The following SLC36A4 variants were observed in gnomAD, a reference collection of about 807,000 sequenced individuals.
SLC36A4 encodes neutral amino acid uniporter 4.
A neutral mutation model predicts 50.5 loss-of-function variants in SLC36A4; 49 were observed. That is an observed-to-expected ratio of 0.97 (90% CI 0.77 to 1.23). The LOEUF (loss-of-function observed/expected upper bound fraction) is 1.23, where lower values mean the gene tolerates loss of function less well. Among genes scored for constraint, SLC36A4 ranks in the 50% most tolerant of loss-of-function variants. The pLI is 0.00. For synonymous variants in SLC36A4, 207 were observed against 206.5 expected (o/e 1.00, Z -0.02); for missense variants, 611 against 608.4 (o/e 1.00, Z -0.05).
chr11:93,191,577 A>C (rs1862219872), intron 1 of SLC36A4, among the ~76,000 whole-genome samples: 2 of 152,204 alleles, frequency 1.3e-5, no homozygotes, highest in Admixed American at 1.3e-4. Context: ...GATGAAAAGC[A>C]GTGAGGTATG....
At chr11:93,191,378 A>C (rs1862211289) in intron 1 of SLC36A4, among the ~76,000 whole-genome samples, 1 of 152,228 alleles carries the variant, frequency 6.6e-6, no homozygotes, top group African/African-American at 2.4e-5. Context: ...AGGTTGGTTT[A>C]ATGTCACTGA....
In SLC36A4 at chr11:93,153,121, T is replaced by C. The variant is rs190336988; in HGVS notation, c.1207+987A>G. Among the ~76,000 whole-genome samples the C allele has an allele frequency of 2.5e-3, 379 of 152,240 alleles. 1 individual carries two copies. Among genetic ancestry groups the C allele is most frequent in the African/African-American group, 8.6e-3 (356 of 41,570 alleles). On this transcript the variant is annotated intron_variant, in intron 10 of 10. Coordinates refer to ENST00000326402, the MANE Select transcript of SLC36A4 (RefSeq NM_152313.4). ...TCTTTAAATCTAGGCATGAGCTCCA[T>C]GGCAGGCTGCTCAAATCAATTTATT...
chr11:93,197,790 G>T lies in SLC36A4; in HGVS notation c.43C>A (p.Arg15Ser), dbSNP rs2134723683. The T allele has an allele frequency of 6.3e-7, 1 of 1,585,462 alleles. No individual in the cohort carries two copies. Among genetic ancestry groups the T allele is most frequent in the Middle Eastern group, 1.7e-4 (1 of 5,756 alleles). Reference protein sequence around the residue: ...ATPAAAGAARREELDMDVMRP... With the variant: ...ATPAAAGAARSEELDMDVMRP... The stretch of plus-strand genomic sequence containing the variant: ...GCACAACACCGACCTAGCTCCTCGC[G>T]CCTCGCCGCCCCGGCAGCCGCCGGC... Residue 15 changes from arginine to serine, a missense_variant, in exon 1 of 11, where the codon CGC (arginine) becomes AGC (serine). Transcript: ENST00000326402.
intron 10 of SLC36A4, 179 bp downstream of exon 10, chr11:93,153,929 G>A: frequency 3.0e-6 from 1 of 328,658 alleles, no homozygotes; most frequent in Non-Finnish European, 5.4e-6. Context: ...TTCTTATGTA[G>A]TAGTAGAAAA....
intron 9 of SLC36A4, among the ~76,000 whole-genome samples, chr11:93,162,453 C>T (rs1221282303): frequency 7.2e-6 from 1 of 139,686 alleles, no homozygotes; most frequent in African/African-American, 2.5e-5. Context: ...GGATTATAGG[C>T]ACCCGCCACC....
At chr11:93,185,013 CA>C (rs1280240060) in intron 2 of SLC36A4, among the ~76,000 whole-genome samples, 5 of 151,962 alleles carry the variant, frequency 3.3e-5, no homozygotes, top group African/African-American at 1.2e-4. Context: ...AAAAAAAATA[CA>C]AGTTTTAAAA....
rs1256923522 is a variant in SLC36A4 at position 93,145,775 on chromosome 11, C to T, written c.*2762G>A. The T allele has an allele frequency of 6.6e-6, 1 of 152,076 alleles. No homozygotes were observed. The highest frequency in any genetic ancestry group is 6.6e-5 in the Admixed American group (1 of 15,248). 9.4% of individuals were successfully genotyped at this position (152,076 alleles called of 1,614,324 possible). ...ATACAAAATTTGACAGGTGCAATCACTCTCATTTCTCCAGGCTCCCAAAAT... is the reference window on the plus strand; with the variant it reads ...ATACAAAATTTGACAGGTGCAATCATTCTCATTTCTCCAGGCTCCCAAAAT... On this transcript the variant is annotated 3_prime_UTR_variant, in exon 11 of 11. Coordinates refer to ENST00000326402, the MANE Select transcript of SLC36A4 (RefSeq NM_152313.4).
chr11:93,145,110 T>A lies in SLC36A4; in HGVS notation c.*3427A>T, dbSNP rs1033034735. The stretch of plus-strand genomic sequence containing the variant: ...ATGAGAAGACATAAGTAAGCTATAG[T>A]AAGACTTGTGCCTTGCCACAGCTAG... On this transcript the variant is annotated 3_prime_UTR_variant, in exon 11 of 11. Coordinates refer to ENST00000326402, the MANE Select transcript of SLC36A4 (RefSeq NM_152313.4). 6.6e-6 allele frequency: 1 copy of A among 152,078 alleles called. No individual in the cohort carries two copies. Among genetic ancestry groups the A allele is most frequent in the Non-Finnish European group, 1.5e-5 (1 of 67,962 alleles). 9.4% of individuals were successfully genotyped at this position (152,078 alleles called of 1,614,324 possible).
intron 6 of SLC36A4, among the ~76,000 whole-genome samples, chr11:93,168,872 T>C (rs1250035504): frequency 6.6e-6 from 1 of 152,006 alleles, no homozygotes; most frequent in Non-Finnish European, 1.5e-5. Flanking sequence ...ACAAATATGA[T>C]TTACAAATAT....
Position 93,154,291 on chromosome 11 carries a change from T to A in SLC36A4, c.1038-14A>T, listed in dbSNP as rs762910285. The A allele has an allele frequency of 2.4e-5, 32 of 1,316,982 alleles. No individual in the cohort carries two copies. Among genetic ancestry groups the A allele is most frequent in the South Asian group, 4.7e-5 (2 of 42,412 alleles). The allele number at this position is 1,316,982 out of a possible 1,614,324, so 81.6% of individuals were successfully genotyped here. On this transcript the variant is annotated splice_polypyrimidine_tract_variant and intron_variant, in intron 9 of 10. Coordinates refer to ENST00000326402, the MANE Select transcript of SLC36A4 (RefSeq NM_152313.4). ...GATTGATATAACCTGTTGAAAAAAA[T>A]TTTCAAAATTTAGTCATTTTTAATG...
Position 93,145,021 on chromosome 11 carries a change from C to G in SLC36A4, c.*3516G>C, listed in dbSNP as rs1318279498. 1.3e-5 allele frequency: 2 copies of G among 151,992 alleles called. No homozygotes were observed. Among genetic ancestry groups the G allele is most frequent in the African/African-American group, 4.8e-5 (2 of 41,428 alleles). The allele number at this position is 151,992 out of a possible 1,614,324, so 9.4% of individuals were successfully genotyped here. On this transcript the variant is annotated 3_prime_UTR_variant, in exon 11 of 11. Transcript: ENST00000326402. Reference sequence around the variant, plus strand: ...TTTTAAATGAAGAAAGAAGTGAGGTCAAGACCTAGTTTGTGTATACTGTCA... The same window carrying G: ...TTTTAAATGAAGAAAGAAGTGAGGTGAAGACCTAGTTTGTGTATACTGTCA...
intron 9 of SLC36A4, among the ~76,000 whole-genome samples, chr11:93,158,016 TAAG>T (rs1412884964): frequency 6.6e-6 from 1 of 151,896 alleles, no homozygotes. Flanking sequence ...CATACAAGAG[TAAG>T]AAGAAATTTA....
chr11:93,155,348 T>G (rs1350375599), intron 9 of SLC36A4: 1 of 152,048 alleles, frequency 6.6e-6, no homozygotes, highest in African/African-American at 2.4e-5. Flanking sequence ...CATTTAAGAG[T>G]TCTACTTTCC....
rs767901890 is a variant in SLC36A4 at position 93,182,939 on chromosome 11, T to C, written c.271-45A>G. The stretch of plus-strand genomic sequence containing the variant: ...ATAAGGTTTAAATATTTAACAGAAA[T>C]TGAGTAATCTTATAAGCAATGAATC... On this transcript the variant is annotated intron_variant, in intron 3 of 10. Transcript: ENST00000326402. The C allele has an allele frequency of 7.2e-5, 98 of 1,352,822 alleles. 5 individuals carry two copies. In the South Asian group the frequency reaches 1.1e-3, roughly 15 times the overall value. The allele number at this position is 1,352,822 out of a possible 1,614,324, so 83.8% of individuals were successfully genotyped here.
At chr11:93,152,921 T>TC (rs1176586575) in intron 10 of SLC36A4, among the ~76,000 whole-genome samples, 1 of 152,168 alleles carries the variant, frequency 6.6e-6, no homozygotes, top group Non-Finnish European at 1.5e-5. Context: ...AATATCTTTT[T>TC]CCTACTGAAT....
intron 1 of SLC36A4, 134 bp downstream of exon 1, chr11:93,197,644 G>T: frequency 2.0e-6 from 2 of 983,796 alleles, no homozygotes; most frequent in South Asian, 1.5e-5. Context: ...TGCGGATGCT[G>T]ACCACGGGGT....
intron 6 of SLC36A4, chr11:93,170,267 C>T (rs1861067669): frequency 6.6e-6 from 1 of 151,944 alleles, no homozygotes; most frequent in Non-Finnish European, 1.5e-5. Flanking sequence ...CAGTTGTTTC[C>T]ATTTGAGCTC....
intron 10 of SLC36A4, among the ~76,000 whole-genome samples, chr11:93,153,130 G>T (rs1355894542): frequency 1.3e-5 from 2 of 152,014 alleles, no homozygotes; most frequent in Non-Finnish European, 2.9e-5. Context: ...ATGGCAGGCT[G>T]CTCAAATCAA....
At chr11:93,194,243 A>G (rs113012589) in intron 1 of SLC36A4, among the ~76,000 whole-genome samples, 7 of 152,242 alleles carry the variant, frequency 4.6e-5, no homozygotes, top group African/African-American at 1.7e-4. Flanking sequence ...AAAATTTAAA[A>G]AAGTAGTTGT....
Sources: allele counts gnomAD v4.1 joint callset (sites outside exome capture counted in the v4.1 genomes callset), GRCh38; gene constraint gnomAD v4.1.1; transcripts MANE v1.5; gene names NCBI Gene and HGNC (gene_info 2026-07-23, HGNC 2026-07-21).